Variants in FNDC3B observed in about 807,000 individuals in gnomAD.
FNDC3B encodes fibronectin type III domain containing 3B.
FNDC3B carries 12 observed loss-of-function variants against 151.5 expected under a neutral mutation model. The ratio of observed to expected loss-of-function variants is 0.08; its 90% confidence interval spans 0.05 to 0.13. FNDC3B has a LOEUF of 0.13. FNDC3B is among the 10% of genes least tolerant of loss of function. The pLI is 1.00. For synonymous variants in FNDC3B, 528 were observed against 549.0 expected, an observed-to-expected ratio of 0.96 and a Z score of 0.54; for missense variants, 1,214 against 1,505.3, an observed-to-expected ratio of 0.81 and a Z score of 3.20.
chr3:172,203,219 T>C (rs1014180963), intron 3 of FNDC3B, among the ~76,000 whole-genome samples: 39 of 152,238 alleles, frequency 2.6e-4, no homozygotes, highest in African/African-American at 8.4e-4. Flanking sequence ...CCTGTGGCAC[T>C]TACTCATATT....
At chr3:172,167,323 G>A (rs1368476222) in intron 3 of FNDC3B, among the ~76,000 whole-genome samples, 1 of 152,134 alleles carries the variant, frequency 6.6e-6, no homozygotes, top group Non-Finnish European at 1.5e-5. Flanking sequence ...TTGAACCCAG[G>A]AGGCAGAGGT....
intron 5 of FNDC3B, among the ~76,000 whole-genome samples, chr3:172,251,056 A>G (rs1728038616): frequency 6.6e-6 from 1 of 152,262 alleles, no homozygotes. Context: ...AAGCTCAGAC[A>G]GTCCGCCCAC....
At chr3:172,172,909 A>G (rs1165113985) in intron 3 of FNDC3B, among the ~76,000 whole-genome samples, 1 of 152,188 alleles carries the variant, frequency 6.6e-6, no homozygotes, top group Non-Finnish European at 1.5e-5. Flanking sequence ...CTTAGGGTGT[A>G]TTCTACTCTG....
intron 1 of FNDC3B, among the ~76,000 whole-genome samples, chr3:172,108,242 CATCCTCATCCATCACCTTATGACTGA>C (rs796403847): frequency 1.2e-4 from 19 of 152,086 alleles, no homozygotes; most frequent in African/African-American, 4.6e-4. Context: ...GTTTCAGTAA[CATCCTCATCCATCACCTTATGACTGA>C]ATACAGTATT....
chr3:172,198,533 A>G (rs947756555), intron 3 of FNDC3B, among the ~76,000 whole-genome samples: 1 of 152,148 alleles, frequency 6.6e-6, no homozygotes, highest in African/African-American at 2.4e-5. Context: ...TACCATTTCT[A>G]TGACAGAAAT....
chr3:172,361,308 T>G (rs1006955366), intron 22 of FNDC3B, among the ~76,000 whole-genome samples: 17 of 152,334 alleles, frequency 1.1e-4, no homozygotes, highest in Admixed American at 3.3e-4. Flanking sequence ...ATTGTTACTC[T>G]CTGCTTCCCT....
intron 3 of FNDC3B, among the ~76,000 whole-genome samples, chr3:172,167,421 G>T (rs969000085): frequency 5.3e-5 from 8 of 152,166 alleles, no homozygotes; most frequent in Non-Finnish European, 1.2e-4. Context: ...CAAGAGGGTT[G>T]CAGTTTCACT....
At chr3:172,064,596 G>A (rs913670705) in intron 1 of FNDC3B, among the ~76,000 whole-genome samples, 4 of 152,212 alleles carry the variant, frequency 2.6e-5, no homozygotes, top group African/African-American at 9.6e-5. Context: ...CCAATGCAAA[G>A]TGTGACTTCA....
chr3:172,249,839 A>G (rs1246225344), intron 5 of FNDC3B, among the ~76,000 whole-genome samples: 3 of 152,338 alleles, frequency 2.0e-5, no homozygotes, highest in African/African-American at 7.2e-5. Context: ...CTATGTTAAC[A>G]GTAAGAAACA....
chr3:172,097,552 G>C (rs1188567990), intron 1 of FNDC3B, among the ~76,000 whole-genome samples: 1 of 152,146 alleles, frequency 6.6e-6, no homozygotes, highest in Non-Finnish European at 1.5e-5. Flanking sequence ...ACAAATTATA[G>C]ATGCTCATTG....
At chr3:172,071,578 A>C (rs1717773026) in intron 1 of FNDC3B, among the ~76,000 whole-genome samples, 1 of 152,190 alleles carries the variant, frequency 6.6e-6, no homozygotes, top group African/African-American at 2.4e-5. Context: ...AATCAGAATT[A>C]ATTTTTTTTT....
intron 3 of FNDC3B, among the ~76,000 whole-genome samples, chr3:172,199,448 G>A (rs375015469): frequency 1.3e-5 from 2 of 152,136 alleles, no homozygotes; most frequent in Non-Finnish European, 2.9e-5. Context: ...CAAAGTGCTG[G>A]GATTACAGGT....
chr3:172,376,477 T>C (rs1233049283), intron 23 of FNDC3B, among the ~76,000 whole-genome samples: 1 of 152,200 alleles, frequency 6.6e-6, no homozygotes, highest in African/African-American at 2.4e-5. Flanking sequence ...TGTAACACTT[T>C]CACTACTTAA....
chr3:172,202,240 G>A (rs1725190854), intron 3 of FNDC3B, among the ~76,000 whole-genome samples: 1 of 152,094 alleles, frequency 6.6e-6, no homozygotes, highest in African/African-American at 2.4e-5. Context: ...TTGTAAGTTA[G>A]AAATTTGGGC....
chr3:172,275,934 G>A lies in FNDC3B; in HGVS notation c.791-9992G>A, dbSNP rs149308649. Among the ~76,000 whole-genome samples, 5 of 152,036 alleles carry A rather than the reference G, an allele frequency of 3.3e-5. No homozygotes were observed. The East Asian group carries it at 9.7e-4, about 29-fold the overall frequency. On this transcript the variant is annotated intron_variant, in intron 6 of 25. Transcript: ENST00000415807. ...CCCAAAAGAGGCAAATCTGTTCTAT[G>A]TTTTTCTGCTTAGTTTACTATAGTT...
intron 4 of FNDC3B, among the ~76,000 whole-genome samples, chr3:172,230,244 A>G (rs1184678732): frequency 6.6e-6 from 1 of 152,026 alleles, no homozygotes; most frequent in Non-Finnish European, 1.5e-5. Flanking sequence ...TGTAATCCCA[A>G]CACTTTGGGA....
At chr3:172,143,737 T>C (rs1428927948) in intron 3 of FNDC3B, among the ~76,000 whole-genome samples, 1 of 151,800 alleles carries the variant, frequency 6.6e-6, no homozygotes, top group Non-Finnish European at 1.5e-5. Context: ...GGTGAAACCT[T>C]GTCTCAACTA....
intron 2 of FNDC3B, among the ~76,000 whole-genome samples, chr3:172,120,300 A>G (rs1720468451): frequency 6.6e-6 from 1 of 152,220 alleles, no homozygotes; most frequent in Non-Finnish European, 1.5e-5. Context: ...GCATGGTAGC[A>G]TTGCACTGCA....
At chr3:172,190,342 G>T (rs920438637) in intron 3 of FNDC3B, among the ~76,000 whole-genome samples, 1 of 152,200 alleles carries the variant, frequency 6.6e-6, no homozygotes, top group Non-Finnish European at 1.5e-5. Flanking sequence ...GAAATATAAT[G>T]TTTTTAATAA....
Sources: gnomAD v4.1 joint callset for allele counts (sites outside exome capture counted in the v4.1 genomes callset) on GRCh38, gnomAD v4.1.1 for gene constraint, MANE v1.5 for transcripts, NCBI Gene and HGNC (gene_info 2026-07-23, HGNC 2026-07-21) for gene names.